Variants in TAFA4 observed in about 807,000 individuals in gnomAD.
TAFA4 encodes chemokine-like protein TAFA-4.
TAFA4 carries 20 observed loss-of-function variants against 21.1 expected under a neutral mutation model. The ratio of observed to expected loss-of-function variants is 0.95; its 90% confidence interval spans 0.67 to 1.38. The LOEUF is 1.38. Among genes scored for constraint, TAFA4 ranks in the 40% most tolerant of loss-of-function variants. The probability of loss-of-function intolerance (pLI) is 0.00; values close to 1 mark genes in which losing one functional copy is unlikely to be tolerated. For missense variants in TAFA4, 211 were observed against 180.9 expected (o/e 1.17, Z -0.95); for synonymous variants, 71 against 67.4 (o/e 1.05, Z -0.26).
chr3:68,744,366 A>T (rs1338106070), intron 4 of TAFA4, among the ~76,000 whole-genome samples: 4 of 152,200 alleles, frequency 2.6e-5, no homozygotes. Context: ...AAAATTCAAG[A>T]TTAGACTTGG....
intron 3 of TAFA4, among the ~76,000 whole-genome samples, chr3:68,754,257 C>T (rs778942533): frequency 1.3e-4 from 20 of 152,186 alleles, no homozygotes; most frequent in Non-Finnish European, 2.5e-4. Flanking sequence ...TTGCCAATGT[C>T]CCAATAATGC....
chr3:68,770,203 G>GA (rs1702926876), intron 3 of TAFA4, among the ~76,000 whole-genome samples: 1 of 152,150 alleles, frequency 6.6e-6, no homozygotes, highest in South Asian at 2.1e-4. Context: ...CAATTCTTGG[G>GA]AAAAACACTT....
At chr3:68,931,243 G>C (rs2090154532) in intron 1 of TAFA4, among the ~76,000 whole-genome samples, 1 of 152,056 alleles carries the variant, frequency 6.6e-6, no homozygotes, top group Admixed American at 6.6e-5. Context: ...AAAGGGAAAA[G>C]AGTTCAGGGA....
chr3:68,732,010 T>C lies in TAFA4; in HGVS notation c.*1132A>G, dbSNP rs1479726330. 6.6e-6 allele frequency: 1 copy of C among 152,478 alleles called. No homozygotes were observed. The highest frequency in any genetic ancestry group is 2.4e-5 in the African/African-American group (1 of 41,454). The allele number at this position is 152,478 out of a possible 1,614,324, so 9.4% of individuals were successfully genotyped here. On this transcript the variant is annotated 3_prime_UTR_variant, in exon 6 of 6. Coordinates refer to ENST00000295569, the MANE Select transcript of TAFA4 (RefSeq NM_182522.5). Reference sequence around the variant, plus strand: ...TTAATATATAAAATTCATCCCATATTTTTACAGTAGTATGTACTTTAACAA... The same window carrying C: ...TTAATATATAAAATTCATCCCATATCTTTACAGTAGTATGTACTTTAACAA...
chr3:68,763,869 T>TACACACACACACACACACACAC (rs147436920), intron 3 of TAFA4, among the ~76,000 whole-genome samples: 1,929 of 147,306 alleles, frequency 0.013, 30 homozygotes, highest in Middle Eastern at 0.029. Context: ...TATGACAGAC[T>TACACACACACACACACACACAC]ACACACACAC....
chr3:68,871,086 G>A (rs972287587), intron 3 of TAFA4, among the ~76,000 whole-genome samples: 7 of 152,130 alleles, frequency 4.6e-5, no homozygotes, highest in African/African-American at 1.7e-4. Context: ...GGAGAAATGG[G>A]AATGCTTTTA....
intron 1 of TAFA4, among the ~76,000 whole-genome samples, chr3:68,911,928 T>C (rs1230495407): frequency 6.6e-6 from 1 of 152,022 alleles, no homozygotes; most frequent in Non-Finnish European, 1.5e-5. Context: ...TCATTTCAAT[T>C]CTCCACACCT....
chr3:68,735,383 G>T (rs1040747470), intron 5 of TAFA4, among the ~76,000 whole-genome samples: 1 of 152,104 alleles, frequency 6.6e-6, no homozygotes, highest in Admixed American at 6.6e-5. Flanking sequence ...AGAAAGCAAG[G>T]TATAAGCCAA....
chr3:68,803,158 C>T (rs1299798506), intron 3 of TAFA4, among the ~76,000 whole-genome samples: 1 of 152,020 alleles, frequency 6.6e-6, no homozygotes, highest in Admixed American at 6.5e-5. Context: ...TTTGTAGTTA[C>T]CAGGCTTCAG....
At chr3:68,734,403 G>C (rs537566742) in intron 5 of TAFA4, among the ~76,000 whole-genome samples, 37 of 152,102 alleles carry the variant, frequency 2.4e-4, no homozygotes, top group African/African-American at 7.9e-4. Flanking sequence ...TACGATACAG[G>C]AAAGAAAGGC....
At chr3:68,854,718 G>A (rs1268353807) in intron 3 of TAFA4, among the ~76,000 whole-genome samples, 1 of 151,068 alleles carries the variant, frequency 6.6e-6, no homozygotes, top group African/African-American at 2.4e-5. Context: ...CTCTGGTTGT[G>A]TATTTTATTA....
intron 1 of TAFA4, among the ~76,000 whole-genome samples, chr3:68,897,712 C>T (rs185050450): frequency 1.3e-5 from 2 of 152,206 alleles, no homozygotes; most frequent in Admixed American, 1.3e-4. Flanking sequence ...TTGATGAAGA[C>T]ATACACAAAT....
At chr3:68,797,743 C>G (rs1703480630) in intron 3 of TAFA4, among the ~76,000 whole-genome samples, 2 of 151,630 alleles carry the variant, frequency 1.3e-5, no homozygotes, top group African/African-American at 4.8e-5. Context: ...CTAGAGTAGT[C>G]AAATTCATAA....
chr3:68,911,002 A>T (rs2089956676), intron 1 of TAFA4, among the ~76,000 whole-genome samples: 1 of 152,234 alleles, frequency 6.6e-6, no homozygotes, highest in South Asian at 2.1e-4. Context: ...ATATTAGTTC[A>T]TTTTAATTTT....
At chr3:68,738,231 A>G (rs1394331544) in intron 5 of TAFA4, among the ~76,000 whole-genome samples, 1 of 152,192 alleles carries the variant, frequency 6.6e-6, no homozygotes, top group Non-Finnish European at 1.5e-5. Context: ...CCAGGGTAAG[A>G]GGGACTGACA....
intron 1 of TAFA4, among the ~76,000 whole-genome samples, chr3:68,898,674 A>T (rs2089815573): frequency 2.6e-5 from 4 of 152,172 alleles, no homozygotes; most frequent in African/African-American, 7.2e-5. Flanking sequence ...AATTTAGCAG[A>T]TGTGTACTCT....
chr3:68,801,778 C>T (rs1370243951), intron 3 of TAFA4, among the ~76,000 whole-genome samples: 1 of 152,130 alleles, frequency 6.6e-6, no homozygotes, highest in Non-Finnish European at 1.5e-5. Context: ...TTATTCTCAG[C>T]TCATGTGCCC....
chr3:68,736,868 A>G (rs943208685), intron 5 of TAFA4, among the ~76,000 whole-genome samples: 3 of 152,194 alleles, frequency 2.0e-5, no homozygotes, highest in Non-Finnish European at 2.9e-5. Flanking sequence ...CTCAAGTGAC[A>G]TATCACTAAA....
intron 3 of TAFA4, among the ~76,000 whole-genome samples, chr3:68,847,199 T>C (rs756074775): frequency 2.0e-5 from 3 of 152,216 alleles, no homozygotes; most frequent in Non-Finnish European, 2.9e-5. Context: ...CTGCCTTTCT[T>C]TCAGAGATGC....
Sources: allele counts gnomAD v4.1 joint callset (sites outside exome capture counted in the v4.1 genomes callset), GRCh38; gene constraint gnomAD v4.1.1; transcripts MANE v1.5; gene names NCBI Gene and HGNC (gene_info 2026-07-23, HGNC 2026-07-21).